The following CELSR1 variants were observed in gnomAD, a reference collection of about 807,000 sequenced individuals.
CELSR1 encodes the protein adhesion G protein-coupled receptor C1.
In CELSR1, 110 loss-of-function variants were observed where a neutral mutation model predicts 249.1. The observed-to-expected ratio is 0.44, with a 90% CI of 0.38 to 0.52. The LOEUF (loss-of-function observed/expected upper bound fraction) is 0.52, where lower values mean the gene tolerates loss of function less well. Among genes scored for constraint, CELSR1 ranks in the 20% least tolerant of loss-of-function variants. CELSR1 has a pLI of 0.00. For synonymous variants in CELSR1, 2,113 were observed against 1,900.0 expected, an observed-to-expected ratio of 1.11 and a Z score of -2.92; for missense variants, 4,109 against 4,296.4, an observed-to-expected ratio of 0.96 and a Z score of 1.22.
chr22:46,467,388 T>C (rs1346960183), intron 1 of CELSR1, among the ~76,000 whole-genome samples: 2 of 152,090 alleles, frequency 1.3e-5, no homozygotes, highest in African/African-American at 4.8e-5. Context: ...AGCCACACAA[T>C]GGACTACTAC....
At chr22:46,495,665 G>A (rs1602210959) in intron 1 of CELSR1, among the ~76,000 whole-genome samples, 2 of 151,868 alleles carry the variant, frequency 1.3e-5, no homozygotes, top group South Asian at 4.2e-4. Context: ...ACGAAACCCT[G>A]TTTAGCCAGG....
chr22:46,512,048 C>T lies in CELSR1; in HGVS notation c.3544+21579G>A, dbSNP rs2080579118. On this transcript the variant is annotated intron_variant, in intron 1 of 34. Coordinates refer to ENST00000674500, the MANE Select transcript of CELSR1 (RefSeq NM_001378328.1). The surrounding 1 kb of genome is among the most constrained non-coding windows in gnomAD (Gnocchi z 5.2). ...AGAAACGCAGCAAGTCATTCAGGTT[C>T]TGGGGTCCTGAAGTGCCCCGAGCCC... 6.6e-6 allele frequency among the ~76,000 whole-genome samples: 1 copy of T among 152,096 alleles called. No homozygotes were observed. Among genetic ancestry groups the T allele is most frequent in the South Asian group, 2.1e-4 (1 of 4,806 alleles).
At chr22:46,394,422 C>T (rs2079127084) in intron 13 of CELSR1, among the ~76,000 whole-genome samples, 160 bp from the exon 14 acceptor site, 1 of 152,200 alleles carries the variant, frequency 6.6e-6, no homozygotes, top group Non-Finnish European at 1.5e-5. Context: ...AGTCTCCCCT[C>T]TACCGGCTCC....
At chr22:46,366,656 C>T (rs2078786290) in intron 29 of CELSR1, among the ~76,000 whole-genome samples, 176 bp from the exon 30 acceptor site, 1 of 152,172 alleles carries the variant, frequency 6.6e-6, no homozygotes, top group South Asian at 2.1e-4. Flanking sequence ...CGAGAGCCTC[C>T]TGGCAGCTGA....
chr22:46,471,587 G>T lies in CELSR1; in HGVS notation c.3545-7242C>A, dbSNP rs540128326. Among the ~76,000 whole-genome samples, 1 of 152,244 alleles carries T rather than the reference G, an allele frequency of 6.6e-6. No individual in the cohort carries two copies. The highest frequency in any genetic ancestry group is 1.9e-4 in the East Asian group (1 of 5,174). ...CTGTTCTTGTTTTTTGTAGAGGTGA[G>T]GCCGTGCGATGTTGCCCAGGCTGGT... is the stretch of plus-strand genomic sequence containing the variant. On this transcript the variant is annotated intron_variant, in intron 1 of 34. Coordinates refer to ENST00000674500, the MANE Select transcript of CELSR1 (RefSeq NM_001378328.1). The surrounding 1 kb of genome is among the most constrained non-coding windows in gnomAD (Gnocchi z 4.9).
chr22:46,404,577 T>G (rs531987583), intron 9 of CELSR1, among the ~76,000 whole-genome samples: 1 of 152,294 alleles, frequency 6.6e-6, no homozygotes, highest in East Asian at 1.9e-4. Flanking sequence ...TTTTGCTTTT[T>G]GGTCTCTATT....
chr22:46,424,053 C>T (rs114531746), intron 5 of CELSR1, among the ~76,000 whole-genome samples: 7,256 of 152,098 alleles, frequency 0.048, 295 homozygotes, highest in African/African-American at 0.12. Flanking sequence ...TACCAGCAAA[C>T]ATTGTAAATC....
chr22:46,530,220 G>T, intron 1 of CELSR1: 2 of 152,354 alleles, frequency 1.3e-5, no homozygotes, highest in South Asian at 3.7e-4. Context: ...CATGAATCGT[G>T]ATCATGCCAC....
At position 46,534,181 on chromosome 22, in the gene CELSR1, G is replaced by A; in HGVS notation, c.2990C>T (p.Pro997Leu). Residue 997 changes from proline (P) to leucine (L), a missense_variant, in exon 1 of 35, where the codon CCC becomes CTC. Physicochemically the swap from Pro to Leu is moderately conservative, Grantham distance 98 (BLOSUM62 -3). Coordinates refer to ENST00000674500, the MANE Select transcript of CELSR1 (RefSeq NM_001378328.1). This position sits in a 1 kb window ranked among gnomAD's most constrained non-coding sequence, Gnocchi z 9.7. ...CTCCAGTTCGTCCTTCTCAAACATGGGGGCATTGTCATTAATGTCCAAGAT... is the reference window on the plus strand; with the variant it reads ...CTCCAGTTCGTCCTTCTCAAACATGAGGGCATTGTCATTAATGTCCAAGAT... Reference protein sequence around the residue: ...VTILDINDNAPMFEKDELELF... With the variant: ...VTILDINDNALMFEKDELELF... 6.2e-7 allele frequency: 1 copy of A among 1,613,850 alleles called. No homozygotes were observed.
intron 18 of CELSR1, among the ~76,000 whole-genome samples, chr22:46,388,210 G>T (rs1025607292): frequency 6.6e-5 from 10 of 152,116 alleles, no homozygotes; most frequent in African/African-American, 2.4e-4. Flanking sequence ...TTAGCCGGGC[G>T]TGGTGGCGGG....
rs2079141714 is a variant in CELSR1, at chr22:46,395,827, T to C, written c.5843+778A>G. Among the ~76,000 whole-genome samples, 1 of 152,174 alleles carries C rather than the reference T, an allele frequency of 6.6e-6. No individual in the cohort carries two copies. Among genetic ancestry groups the C allele is most frequent in the African/African-American group, 2.4e-5 (1 of 41,454 alleles). On this transcript the variant is annotated intron_variant, in intron 13 of 34. Transcript: ENST00000674500. This position sits in a 1 kb window ranked among gnomAD's most constrained non-coding sequence, Gnocchi z 5.5. ...TCCACCTTGGACAAAGTGACGCTTG[T>C]GATGACTACGCACCTGTACCCAGCG... is the stretch of plus-strand genomic sequence containing the variant.
In CELSR1 at chr22:46,409,733, A is replaced by G; in HGVS notation, c.5059+22T>C. The G allele has an allele frequency of 6.2e-7, 1 of 1,609,670 alleles. No homozygotes were observed. The stretch of plus-strand genomic sequence containing the variant: ...CTCCCAGGCCGCCGTGACCGGGGGG[A>G]TGGACGACGCCGGCCACTCACCTTG... On this transcript the variant is annotated intron_variant, in intron 8 of 34. Transcript: ENST00000674500. This position sits in a 1 kb window ranked among gnomAD's most constrained non-coding sequence, Gnocchi z 9.8.
chr22:46,410,016 G>A lies in CELSR1; in HGVS notation c.4934-136C>T, dbSNP rs2079314411. 1 of 1,089,946 alleles carries A rather than the reference G, an allele frequency of 9.2e-7. No individual in the cohort carries two copies. Among genetic ancestry groups the A allele is most frequent in the South Asian group, 1.5e-5 (1 of 68,328 alleles). The allele number at this position is 1,089,946 out of a possible 1,614,324, so 67.5% of individuals were successfully genotyped here. On this transcript the variant is annotated intron_variant, in intron 7 of 34. Coordinates refer to ENST00000674500, the MANE Select transcript of CELSR1 (RefSeq NM_001378328.1). The surrounding 1 kb of genome is among the most constrained non-coding windows in gnomAD (Gnocchi z 6.8). Reference sequence around the variant, plus strand: ...AGTCAGACCAGGTCTGAACGCCCCTGGCAACGGCAGGAACATGGGAACTAA... The same window carrying A: ...AGTCAGACCAGGTCTGAACGCCCCTAGCAACGGCAGGAACATGGGAACTAA...
intron 2 of CELSR1, among the ~76,000 whole-genome samples, chr22:46,458,549 TG>T (rs1426331706): frequency 6.6e-6 from 1 of 152,110 alleles, no homozygotes; most frequent in Non-Finnish European, 1.5e-5. Context: ...TGTGAGCCCG[TG>T]GGCTGAAATA....
intron 1 of CELSR1, chr22:46,481,501 C>T (rs535495148): frequency 2.7e-5 from 42 of 1,541,610 alleles, no homozygotes; most frequent in Admixed American, 9.4e-5. Flanking sequence ...CGTGGTGCAC[C>T]GGACCAGGTG....
chr22:46,444,793 G>A (rs537232176), intron 2 of CELSR1, among the ~76,000 whole-genome samples: 1 of 152,174 alleles, frequency 6.6e-6, no homozygotes, highest in African/African-American at 2.4e-5. Context: ...GCTCCAGGGT[G>A]GATCTCTCCT....
In CELSR1 at chr22:46,446,441, G is replaced by C. The variant is rs921049216; in HGVS notation, c.4184-7030C>G. Among the ~76,000 whole-genome samples the C allele has an allele frequency of 2.0e-5, 3 of 152,180 alleles. No homozygotes were observed. Among genetic ancestry groups the C allele is most frequent in the Admixed American group, 2.0e-4 (3 of 15,280 alleles). On this transcript the variant is annotated intron_variant, in intron 2 of 34. Coordinates refer to ENST00000674500, the MANE Select transcript of CELSR1 (RefSeq NM_001378328.1). This position sits in a 1 kb window ranked among gnomAD's most constrained non-coding sequence, Gnocchi z 5.5. ...CCCCACCAGCTCCACATCCAGCCCT[G>C]CTTGTGCGATGGTTCCCCCGTGTGT... is the stretch of plus-strand genomic sequence containing the variant.
intron 1 of CELSR1, among the ~76,000 whole-genome samples, chr22:46,521,732 G>A (rs1034937999): frequency 2.0e-5 from 3 of 151,710 alleles, no homozygotes; most frequent in African/African-American, 4.8e-5. Context: ...CAGGAGAATC[G>A]CTTGAACCCA....
rs1262962868 is a variant in CELSR1 at position 46,423,605 on chromosome 22, C to CGG, written c.4611+9787_4611+9788insCC. On this transcript the variant is annotated intron_variant, in intron 5 of 34. Coordinates refer to ENST00000674500, the MANE Select transcript of CELSR1 (RefSeq NM_001378328.1). The surrounding 1 kb of genome is among the most constrained non-coding windows in gnomAD (Gnocchi z 5.6). The stretch of plus-strand genomic sequence containing the variant: ...GGGCAACAGGAGCGAAACTTCGTCT[C>CGG]AGAAAAAAAAAAAAAAAAAGACTCC... 8.6e-5 allele frequency among the ~76,000 whole-genome samples: 8 copies of CGG among 93,368 alleles called. No homozygotes were observed. Among genetic ancestry groups the CGG allele is most frequent in the African/African-American group, 3.6e-4 (6 of 16,836 alleles). 61.3% of individuals were successfully genotyped at this position (93,368 alleles called of 152,430 possible).
Sources: allele counts gnomAD v4.1 joint callset (sites outside exome capture counted in the v4.1 genomes callset), GRCh38; gene constraint gnomAD v4.1.1; non-coding constraint Gnocchi (gnomAD v3.1); transcripts MANE v1.5; gene names NCBI Gene and HGNC (gene_info 2026-07-23, HGNC 2026-07-21).